The following ZBTB40 variants were observed in gnomAD, a reference collection of about 807,000 sequenced individuals.
The protein encoded by ZBTB40 is zinc finger and BTB domain containing 40.
A neutral mutation model predicts 117.5 loss-of-function variants in ZBTB40; 60 were observed. The ratio of observed to expected loss-of-function variants is 0.51; its 90% CI spans 0.41 to 0.63. The LOEUF (loss-of-function observed/expected upper bound fraction) is 0.63. Ranked by LOEUF, ZBTB40 falls within the 30% of genes least tolerant of loss-of-function variation. The probability of loss-of-function intolerance (pLI) is 0.00; values close to 1 mark genes in which losing one functional copy is unlikely to be tolerated. For synonymous variants in ZBTB40, 525 were observed against 577.1 expected (o/e 0.91, Z 1.29); for missense variants, 1,287 against 1,498.5 (o/e 0.86, Z 2.33).
rs1182463766 is a variant in ZBTB40, at chr1:22,509,222, A to G, written c.1822A>G (p.Thr608Ala). The change falls in exon 9 of 18, where the codon ACT becomes GCT. Residue 608 changes from threonine to alanine, a missense_variant. Coordinates refer to ENST00000375647, the MANE Select transcript of ZBTB40 (RefSeq NM_014870.4). ...CTCGGAGGAGGAGCACCTGGCAGAGACTGTGAAAGAGGTGTGGTGGGAATA... is the reference window on the plus strand; with the variant it reads ...CTCGGAGGAGGAGCACCTGGCAGAGGCTGTGAAAGAGGTGTGGTGGGAATA... ...FTSEEEHLAETVKEILSIPSE... is the reference protein window; with the variant it reads ...FTSEEEHLAEAVKEILSIPSE... 6.8e-6 allele frequency: 11 copies of G among 1,614,154 alleles called. No homozygotes were observed. Among genetic ancestry groups the G allele is most frequent in the Non-Finnish European group, 9.3e-6 (11 of 1,180,000 alleles).
chr1:22,506,022 T>G (rs747365905), intron 5 of ZBTB40, 27 bp from the exon 6 acceptor site: 1 of 1,613,696 alleles, frequency 6.2e-7, no homozygotes, highest in South Asian at 1.1e-5. Flanking sequence ...CAGTAACTGG[T>G]GTCTGGTTGA....
chr1:22,526,514 A>C lies in ZBTB40; in HGVS notation c.*118A>C. ...TGGTGAGCATCTTAGCTTAGCACCA[A>C]CCAACACAGTCTCACCTAGAAAACA... On this transcript the variant is annotated 3_prime_UTR_variant, in exon 18 of 18. Coordinates refer to ENST00000375647, the MANE Select transcript of ZBTB40 (RefSeq NM_014870.4). The C allele has an allele frequency of 1.5e-6, 2 of 1,308,970 alleles. No individual in the cohort carries two copies. Among genetic ancestry groups the C allele is most frequent in the Non-Finnish European group, 2.2e-6 (2 of 923,738 alleles). The allele number at this position is 1,308,970 out of a possible 1,614,324, so 81.1% of individuals were successfully genotyped here.
chr1:22,432,945 A>G (rs905149299), intron 1 of ZBTB40, among the ~76,000 whole-genome samples: 6 of 152,230 alleles, frequency 3.9e-5, no homozygotes, highest in Non-Finnish European at 7.3e-5. Flanking sequence ...CAGAGATTAT[A>G]TAGCAGACAA....
At chr1:22,525,213 C>CT (rs1437128616) in intron 17 of ZBTB40, among the ~76,000 whole-genome samples, 1 of 152,156 alleles carries the variant, frequency 6.6e-6, no homozygotes, top group African/African-American at 2.4e-5. Flanking sequence ...CTGCTTTTAT[C>CT]TTTTTTGTAT....
intron 1 of ZBTB40, among the ~76,000 whole-genome samples, chr1:22,430,314 G>T (rs1417802912): frequency 1.3e-5 from 2 of 152,058 alleles, no homozygotes; most frequent in Non-Finnish European, 2.9e-5. Context: ...TTTAGGCCAG[G>T]TGCAGTCGCT....
Position 22,526,270 on chromosome 1 carries a change from C to A in ZBTB40, c.3594C>A (p.Ala1198=). The A allele has an allele frequency of 6.2e-7, 1 of 1,614,168 alleles. No individual in the cohort carries two copies. The highest frequency in any genetic ancestry group is 1.1e-5 in the South Asian group (1 of 91,080). The part of the protein sequence containing the change: ...QVITLEETQL[A]GSQVFVTLPD... ...TCACTTTGGAGGAGACCCAGCTTGC[C>A]GGGTCGCAGGTGTTTGTGACGTTGC... Residue 1198 remains alanine, a synonymous_variant, in exon 18 of 18, where the codon GCC becomes GCA. Coordinates refer to ENST00000375647, the MANE Select transcript of ZBTB40 (RefSeq NM_014870.4).
At chr1:22,519,380 A>G (rs1283851730) in intron 13 of ZBTB40, among the ~76,000 whole-genome samples, 1 of 152,214 alleles carries the variant, frequency 6.6e-6, no homozygotes, top group Non-Finnish European at 1.5e-5. Flanking sequence ...TGGGAGTGAG[A>G]GATGGGATTG....
rs1432095906 is a variant in ZBTB40, at chr1:22,433,297, G to T, written c.-70+4283G>T. ...AAATACAAAAAATTAGCTAGGTGTG[G>T]TGGCGGGCGCCTGTAGTCCCAGCTA... On this transcript the variant is annotated intron_variant, in intron 1 of 8. Transcript: ENST00000650433. Among the ~76,000 whole-genome samples the T allele has an allele frequency of 2.0e-5, 3 of 151,346 alleles. No individual in the cohort carries two copies. The East Asian group carries it at 5.9e-4, about 30-fold the overall frequency.
intron 9 of ZBTB40, among the ~76,000 whole-genome samples, chr1:22,510,713 A>G (rs937295325): frequency 2.0e-5 from 3 of 152,232 alleles, no homozygotes; most frequent in Admixed American, 1.3e-4. Flanking sequence ...GGGTACATCT[A>G]AGTATCTAAA....
chr1:22,447,122 C>G (rs1205381899), upstream of ZBTB40, among the ~76,000 whole-genome samples: 1 of 151,074 alleles, frequency 6.6e-6, no homozygotes, highest in African/African-American at 2.4e-5. Context: ...AAAAAAAGTT[C>G]TAAATCTTGA....
In ZBTB40 at chr1:22,520,235, G is replaced by C; in HGVS notation, c.3008G>C (p.Gly1003Ala). The change falls in exon 14 of 18, where the codon GGG becomes GCG. Residue 1003 changes from glycine (G) to alanine (A), a missense_variant. Gly to Ala is a moderately conservative substitution (Grantham distance 60, BLOSUM62 0). This residue lies in a region of ZBTB40 where 417 missense variants were observed against 564.1 expected (regional missense o/e 0.74). Coordinates refer to ENST00000375647, the MANE Select transcript of ZBTB40 (RefSeq NM_014870.4). Reference protein sequence around the residue: ...LERHVVTHVGGKPFSCGICNK... With the variant: ...LERHVVTHVGAKPFSCGICNK... ...CGGCACGTGGTGACCCACGTTGGAGGGAAGCCCTTCAGCTGCGGGATCTGC... is the reference window on the plus strand; with the variant it reads ...CGGCACGTGGTGACCCACGTTGGAGCGAAGCCCTTCAGCTGCGGGATCTGC... 1 of 1,613,698 alleles carries C rather than the reference G, an allele frequency of 6.2e-7. No homozygotes were observed. The highest frequency in any genetic ancestry group is 8.5e-7 in the Non-Finnish European group (1 of 1,179,990).
chr1:22,490,507 A>G lies in ZBTB40; in HGVS notation c.559A>G (p.Ser187Gly), dbSNP rs1638597935. ...AGCCCATTCAGTTTCACAAGAGATG[A>G]GTGTGAATTCTCCCACAGCCCAGGA... is the stretch of plus-strand genomic sequence containing the variant. Reference protein sequence around the residue: ...EAAHSVSQEMSVNSPTAQESQ... With the variant: ...EAAHSVSQEMGVNSPTAQESQ... Residue 187 changes from serine to glycine, a missense_variant, in exon 2 of 18, where the codon AGT becomes GGT. Physicochemically the swap from Ser to Gly is moderately conservative, Grantham distance 56 (BLOSUM62 0). Around this residue, in one of 2 missense-constraint regions of ZBTB40, gnomAD observed 870 missense variants for 934.4 expected, o/e 0.93. Coordinates refer to ENST00000375647, the MANE Select transcript of ZBTB40 (RefSeq NM_014870.4). 1 of 1,604,272 alleles carries G rather than the reference A, an allele frequency of 6.2e-7. No individual in the cohort carries two copies. The highest frequency in any genetic ancestry group is 8.5e-7 in the Non-Finnish European group (1 of 1,175,152).
intron 17 of ZBTB40, 26 bp downstream of exon 17, chr1:22,524,470 T>A: frequency 6.2e-7 from 1 of 1,607,956 alleles, no homozygotes; most frequent in Non-Finnish European, 8.5e-7. Flanking sequence ...TCAGCTACAT[T>A]AGAATGCTAA....
At position 22,528,261 on chromosome 1, in the gene ZBTB40, G is replaced by A. The variant is rs58079597; in HGVS notation, c.*1865G>A. ...AGCAGAGAAAACCCACTGAAAGATC[G>A]TAGAGTGGCACATGCTTACAGGGCA... On this transcript the variant is annotated 3_prime_UTR_variant, in exon 18 of 18. Transcript: ENST00000375647. 2,130 of 152,648 alleles carry A rather than the reference G, an allele frequency of 0.014. 56 individuals carry two copies. The highest frequency in any genetic ancestry group is 0.049 in the African/African-American group (2,053 of 41,554). The allele number at this position is 152,648 out of a possible 1,614,324, so 9.5% of individuals were successfully genotyped here.
chr1:22,520,232 G>C lies in ZBTB40; in HGVS notation c.3005G>C (p.Gly1002Ala). ...GAGCGGCACGTGGTGACCCACGTTGGAGGGAAGCCCTTCAGCTGCGGGATC... is the reference window on the plus strand; with the variant it reads ...GAGCGGCACGTGGTGACCCACGTTGCAGGGAAGCCCTTCAGCTGCGGGATC... ...MLERHVVTHV[G>A]GKPFSCGICN... The change falls in exon 14 of 18, where the codon GGA becomes GCA. Residue 1002 changes from glycine to alanine, a missense_variant. Around this residue, in one of 2 missense-constraint regions of ZBTB40, gnomAD observed 417 missense variants for 564.1 expected, o/e 0.74. Transcript: ENST00000375647. The C allele has an allele frequency of 6.2e-7, 1 of 1,613,740 alleles. No individual in the cohort carries two copies. Among genetic ancestry groups the C allele is most frequent in the Non-Finnish European group, 8.5e-7 (1 of 1,179,982 alleles).
intron 1 of ZBTB40, among the ~76,000 whole-genome samples, chr1:22,460,291 G>A (rs911292059): frequency 2.0e-5 from 3 of 152,170 alleles, no homozygotes; most frequent in Non-Finnish European, 4.4e-5. Context: ...GTATTTCTAA[G>A]TCTGCAGCCA....
chr1:22,500,402 A>G (rs1403167587), intron 3 of ZBTB40, among the ~76,000 whole-genome samples: 1 of 152,186 alleles, frequency 6.6e-6, no homozygotes, highest in Non-Finnish European at 1.5e-5. Flanking sequence ...CTTTTCAGAG[A>G]AGTTTGCATA....
At chr1:22,455,520 G>A (rs1640985332) in intron 1 of ZBTB40, among the ~76,000 whole-genome samples, 1 of 152,170 alleles carries the variant, frequency 6.6e-6, no homozygotes, top group African/African-American at 2.4e-5. Context: ...ACTGGACAGA[G>A]AGTGTCATTT....
At chr1:22,512,169 A>G in intron 11 of ZBTB40, 35 bp downstream of exon 11, 2 of 1,610,460 alleles carry the variant, frequency 1.2e-6, no homozygotes, top group Non-Finnish European at 1.7e-6. Flanking sequence ...AGAGGATGAT[A>G]ATTGTGGGTT....
Sources: gnomAD v4.1 joint callset for allele counts (sites outside exome capture counted in the v4.1 genomes callset) on GRCh38, gnomAD v4.1.1 for gene constraint, gnomAD v4.1.1 regional missense constraint, MANE v1.5 for transcripts, NCBI Gene and HGNC (gene_info 2026-07-23, HGNC 2026-07-21) for gene names.